POU6F2: variants seen among roughly 807,000 people sequenced by gnomAD.
POU6F2 encodes the protein POU class 6 homeobox 2, also known as POU domain, class 6, transcription factor 2.
A neutral mutation model predicts 71.3 loss-of-function variants in POU6F2; 31 were observed. That is an observed-to-expected ratio of 0.43 (90% confidence interval 0.33 to 0.59). The LOEUF (loss-of-function observed/expected upper bound fraction) is 0.59. Among genes scored for constraint, POU6F2 ranks in the 20% least tolerant of loss-of-function variants. POU6F2 has a pLI of 0.04. For synonymous variants in POU6F2, 347 were observed against 355.7 expected, an observed-to-expected ratio of 0.98 and a Z score of 0.27; for missense variants, 783 against 856.8, an observed-to-expected ratio of 0.91 and a Z score of 1.07.
intron 2 of POU6F2, among the ~76,000 whole-genome samples, chr7:39,138,350 C>T (rs887908503): frequency 1.3e-5 from 2 of 152,168 alleles, no homozygotes; most frequent in Non-Finnish European, 2.9e-5. Context: ...GATCAGTACT[C>T]GTCAGTAGCC....
At chr7:39,117,429 T>G (rs756165709) in intron 2 of POU6F2, among the ~76,000 whole-genome samples, 3 of 152,170 alleles carry the variant, frequency 2.0e-5, no homozygotes, top group Non-Finnish European at 4.4e-5. Flanking sequence ...CATGCATTTT[T>G]CTTCACTGTC....
At chr7:39,019,888 C>G (rs1448273420) in intron 1 of POU6F2, among the ~76,000 whole-genome samples, 1 of 152,142 alleles carries the variant, frequency 6.6e-6, no homozygotes, top group Non-Finnish European at 1.5e-5. Context: ...TCTCCAGCAT[C>G]AGAGAATCAA....
chr7:39,224,653 A>G (rs1055112989), intron 4 of POU6F2, among the ~76,000 whole-genome samples: 10 of 152,242 alleles, frequency 6.6e-5, no homozygotes, highest in Non-Finnish European at 5.9e-5. Flanking sequence ...AAAGGGTGAT[A>G]ATATTATGAA....
intron 1 of POU6F2, among the ~76,000 whole-genome samples, chr7:39,081,792 C>T (rs1379950604): frequency 6.6e-6 from 1 of 152,218 alleles, no homozygotes; most frequent in Non-Finnish European, 1.5e-5. Flanking sequence ...CAGCCACTGG[C>T]TCTGGCTCAT....
chr7:39,078,875 C>T (rs1252150923), intron 1 of POU6F2, among the ~76,000 whole-genome samples: 1 of 152,024 alleles, frequency 6.6e-6, no homozygotes, highest in Non-Finnish European at 1.5e-5. Context: ...GTTCTAAAGG[C>T]GCCATTGCAC....
rs1785582847 is a variant in POU6F2 at position 39,329,149 on chromosome 7, A to ATGTCT, written c.599-10493_599-10492insTGTCT. 2.6e-5 allele frequency: 4 copies of ATGTCT among 152,254 alleles called. No individual in the cohort carries two copies. The Admixed American group carries it at 2.6e-4, about 10-fold the overall frequency. 9.4% of individuals were successfully genotyped at this position (152,254 alleles called of 1,614,324 possible). A position where few individuals can be genotyped will look rare whatever the true frequency, so the allele number is the denominator to read the frequency against. On this transcript the variant is annotated intron_variant, in intron 4 of 9. Transcript: ENST00000518318. The stretch of plus-strand genomic sequence containing the variant: ...TAAATGGGAAGCCATCTGTGTCTTT[A>ATGTCT]ATATGGCTTGGTGTAATATATATAT...
chr7:39,240,457 G>A (rs548089922), intron 4 of POU6F2, among the ~76,000 whole-genome samples: 18 of 152,184 alleles, frequency 1.2e-4, no homozygotes, highest in Admixed American at 5.9e-4. Flanking sequence ...CTTATAAATG[G>A]AAAGTTGATT....
intron 5 of POU6F2, among the ~76,000 whole-genome samples, chr7:39,403,871 G>A (rs1014388134): frequency 2.0e-5 from 3 of 152,198 alleles, no homozygotes; most frequent in Non-Finnish European, 2.9e-5. Flanking sequence ...CTGGAATGCC[G>A]TCAGCTTACA....
At chr7:39,352,715 A>G (rs557061401) in intron 5 of POU6F2, among the ~76,000 whole-genome samples, 4 of 152,328 alleles carry the variant, frequency 2.6e-5, no homozygotes, top group African/African-American at 2.4e-5. Flanking sequence ...AAGTGCTGCC[A>G]TCATTGCAAG....
chr7:39,233,284 T>C (rs1243919285), intron 4 of POU6F2, among the ~76,000 whole-genome samples: 1 of 147,158 alleles, frequency 6.8e-6, no homozygotes, highest in Non-Finnish European at 1.5e-5. Flanking sequence ...AAAGAAATAG[T>C]GGTATTATCT....
chr7:39,260,017 C>T (rs1275765989), intron 4 of POU6F2, among the ~76,000 whole-genome samples: 1 of 149,892 alleles, frequency 6.7e-6, no homozygotes, highest in Non-Finnish European at 1.5e-5. Flanking sequence ...CACACCATAC[C>T]ATGCTCACAC....
At chr7:39,345,564 A>T (rs1562798189) in intron 5 of POU6F2, among the ~76,000 whole-genome samples, 1 of 152,238 alleles carries the variant, frequency 6.6e-6, no homozygotes, top group Non-Finnish European at 1.5e-5. Flanking sequence ...TATGACAATC[A>T]AATAACTCTT....
intron 4 of POU6F2, among the ~76,000 whole-genome samples, chr7:39,308,911 G>C (rs1583513597): frequency 6.6e-6 from 1 of 152,182 alleles, no homozygotes; most frequent in Non-Finnish European, 1.5e-5. Flanking sequence ...CGTCAGCCCA[G>C]GGTTCTGATG....
chr7:39,190,534 G>C (rs1178068710), intron 2 of POU6F2, among the ~76,000 whole-genome samples: 1 of 144,830 alleles, frequency 6.9e-6, no homozygotes, highest in African/African-American at 2.6e-5. Flanking sequence ...TGAGATCACA[G>C]ATGCAGAATT....
intron 4 of POU6F2, among the ~76,000 whole-genome samples, chr7:39,302,671 A>G (rs185048297): frequency 1.1e-3 from 166 of 152,362 alleles, no homozygotes; most frequent in Middle Eastern, 6.8e-3. Context: ...AATCAATGAG[A>G]GCCAGGAAAC....
chr7:39,459,043 T>A (rs538018930), intron 8 of POU6F2, among the ~76,000 whole-genome samples: 1 of 152,202 alleles, frequency 6.6e-6, no homozygotes, highest in Non-Finnish European at 1.5e-5. Context: ...TCTAATGCAT[T>A]AGCATTGGAT....
intron 4 of POU6F2, among the ~76,000 whole-genome samples, chr7:39,237,964 C>A (rs1428554892): frequency 6.6e-6 from 1 of 152,098 alleles, no homozygotes; most frequent in Non-Finnish European, 1.5e-5. Flanking sequence ...TCTCTCTAGG[C>A]CCTGGTTGTT....
chr7:39,133,043 C>T (rs991129651), intron 2 of POU6F2, among the ~76,000 whole-genome samples: 1 of 152,236 alleles, frequency 6.6e-6, no homozygotes, highest in African/African-American at 2.4e-5. Context: ...CAATCCCGCT[C>T]ATAAAACATC....
rs1327226513 is a variant in POU6F2, at chr7:39,085,949, T to C, written c.195T>C (p.Ala65=). 1.2e-6 allele frequency: 2 copies of C among 1,613,626 alleles called. No homozygotes were observed. Among genetic ancestry groups the C allele is most frequent in the African/African-American group, 1.3e-5 (1 of 74,898 alleles). The change falls in exon 2 of 10, where the codon GCT becomes GCC. Residue 65 remains alanine, a synonymous_variant. Transcript: ENST00000518318. Reference sequence around the variant, plus strand: ...AGTTGAGAGGTGAGGACAAGGCTGCTACTTCAGACAGCGAGCTGAATGAGC... The same window carrying C: ...AGTTGAGAGGTGAGGACAAGGCTGCCACTTCAGACAGCGAGCTGAATGAGC... The part of the protein sequence containing the change: ...NAELRGEDKA[A]TSDSELNEPL...
Sources: allele counts gnomAD v4.1 joint callset (sites outside exome capture counted in the v4.1 genomes callset), GRCh38; gene constraint gnomAD v4.1.1; transcripts MANE v1.5; gene names NCBI Gene and HGNC (gene_info 2026-07-23, HGNC 2026-07-21).